The following LPCAT3 variants were observed in gnomAD, a reference collection of about 807,000 sequenced individuals.
LPCAT3 encodes lysophosphatidylcholine acyltransferase 3, also known as lysophospholipid acyltransferase 5.
LPCAT3 carries 21 observed loss-of-function variants against 63.4 expected under a neutral mutation model. That is an observed-to-expected ratio of 0.33 (90% CI 0.23 to 0.48). The LOEUF (loss-of-function observed/expected upper bound fraction) is 0.48. LPCAT3 is among the 20% of genes least tolerant of loss of function. The pLI, the probability that LPCAT3 is intolerant of heterozygous loss-of-function variation, is 0.99. For missense variants in LPCAT3, 451 were observed against 590.6 expected, an observed-to-expected ratio of 0.76 and a Z score of 2.45; for synonymous variants, 242 against 227.5, an observed-to-expected ratio of 1.06 and a Z score of -0.58.
intron 1 of LPCAT3, among the ~76,000 whole-genome samples, chr12:6,996,444 T>C (rs191610548): frequency 6.6e-6 from 1 of 152,340 alleles, no homozygotes; most frequent in East Asian, 1.9e-4. Context: ...TCAGTACTTA[T>C]TACCTTTTGA....
intron 1 of LPCAT3, among the ~76,000 whole-genome samples, chr12:7,005,558 A>G (rs1178132953): frequency 6.6e-6 from 1 of 152,190 alleles, no homozygotes; most frequent in African/African-American, 2.4e-5. Flanking sequence ...CCCACCAGCA[A>G]TGCTTGAGGG....
At chr12:6,982,024 T>G in intron 3 of LPCAT3, 120 bp from the exon 4 acceptor site, 1 of 641,066 alleles carries the variant, frequency 1.6e-6, no homozygotes, top group South Asian at 1.9e-5. Context: ...CCTTAATAAA[T>G]TCCTACAAAT....
At chr12:7,016,960 G>A (rs1322471631) in intron 1 of LPCAT3, among the ~76,000 whole-genome samples, 3 of 152,212 alleles carry the variant, frequency 2.0e-5, no homozygotes, top group African/African-American at 7.2e-5. Context: ...AAGTAACAAT[G>A]CTATTAGGCA....
chr12:7,008,431 T>C (rs1415534940), intron 1 of LPCAT3, among the ~76,000 whole-genome samples: 2 of 152,190 alleles, frequency 1.3e-5, no homozygotes, highest in Non-Finnish European at 2.9e-5. Flanking sequence ...TAGCTTTCCC[T>C]GGCAGCTGCA....
intron 1 of LPCAT3, among the ~76,000 whole-genome samples, chr12:7,012,416 C>T (rs1402018706): frequency 5.3e-5 from 8 of 152,170 alleles, no homozygotes; most frequent in Non-Finnish European, 1.2e-4. Context: ...ACTTTCCTAT[C>T]TGTACCAGGA....
chr12:6,989,260 C>A (rs1555155177), intron 1 of LPCAT3, among the ~76,000 whole-genome samples: 1 of 151,168 alleles, frequency 6.6e-6, no homozygotes, highest in Non-Finnish European at 1.5e-5. Flanking sequence ...TGAGGATCTT[C>A]TACTAGAATG....
In LPCAT3 at chr12:7,008,238, A is replaced by C. The variant is rs782077745; in HGVS notation, c.151+10036T>G. On this transcript the variant is annotated intron_variant, in intron 1 of 12. Coordinates refer to ENST00000261407, the MANE Select transcript of LPCAT3 (RefSeq NM_005768.6). ...TATACAGTATCTTCTGAACTATACA[A>C]ATTACAGATAAGCTTTAAAGGTCTC... Among the ~76,000 whole-genome samples the C allele has an allele frequency of 3.3e-5, 5 of 152,242 alleles. No homozygotes were observed. In the East Asian group the frequency reaches 7.7e-4, roughly 23 times the overall value.
At chr12:6,981,938 C>A in intron 3 of LPCAT3, 34 bp from the exon 4 acceptor site, 2 of 1,054,708 alleles carry the variant, frequency 1.9e-6, no homozygotes, top group Non-Finnish European at 3.0e-6. Context: ...TCTAGCATCA[C>A]TACTATTTCT....
chr12:6,999,942 CAG>C (rs1231046837), intron 1 of LPCAT3, among the ~76,000 whole-genome samples: 2 of 114,836 alleles, frequency 1.7e-5, no homozygotes, highest in African/African-American at 6.8e-5. Context: ...TTTTTTGAGA[CAG>C]AGTCTCGCTC....
chr12:6,992,240 G>A (rs73264636), intron 1 of LPCAT3, among the ~76,000 whole-genome samples: 3,490 of 151,978 alleles, frequency 0.023, 118 homozygotes, highest in African/African-American at 0.073. Context: ...GGAGGCTGAG[G>A]TAGCATCACC....
rs1555153526 is a variant in LPCAT3 at position 6,977,907 on chromosome 12, A to G, written c.1041-162T>C. Reference sequence around the variant, plus strand: ...GGCAGTGCTGACTGATTACTTTTAGAGATGGAAAGCAGACCCAAGGCGGAG... The same window carrying G: ...GGCAGTGCTGACTGATTACTTTTAGGGATGGAAAGCAGACCCAAGGCGGAG... On this transcript the variant is annotated intron_variant, in intron 9 of 12. Transcript: ENST00000261407. This position sits in a 1 kb window ranked among gnomAD's most constrained non-coding sequence, Gnocchi z 4.5. 3 of 814,734 alleles carry G rather than the reference A, an allele frequency of 3.7e-6. No individual in the cohort carries two copies. The East Asian group carries it at 7.7e-5, about 21-fold the overall frequency. 50.5% of individuals were successfully genotyped at this position (814,734 alleles called of 1,614,324 possible). A position where few individuals can be genotyped will look rare whatever the true frequency, so the allele number is the denominator to read the frequency against.
intron 1 of LPCAT3, among the ~76,000 whole-genome samples, chr12:6,990,566 T>G (rs1321968521): frequency 1.7e-5 from 2 of 117,100 alleles, no homozygotes; most frequent in Non-Finnish European, 3.7e-5. Context: ...AATAAATAAA[T>G]TGAGCACCCC....
chr12:6,978,179 T>A, intron 9 of LPCAT3, 162 bp downstream of exon 9: 1 of 720,274 alleles, frequency 1.4e-6, no homozygotes, highest in Non-Finnish European at 2.1e-6. Flanking sequence ...ATGGTTTTTT[T>A]GGGAGGGGGG....
In LPCAT3 at chr12:6,977,136, G is replaced by C. The variant is rs115586741; in HGVS notation, c.*10C>G. The C allele has an allele frequency of 1.3e-6, 2 of 1,559,684 alleles. No homozygotes were observed. Among genetic ancestry groups the C allele is most frequent in the Non-Finnish European group, 1.8e-6 (2 of 1,130,516 alleles). On this transcript the variant is annotated splice_region_variant and 3_prime_UTR_variant, in exon 12 of 13. Coordinates refer to ENST00000261407, the MANE Select transcript of LPCAT3 (RefSeq NM_005768.6). This position sits in a 1 kb window ranked among gnomAD's most constrained non-coding sequence, Gnocchi z 4.5. ...TTAGTTTAGCTGTATTAACTTACCAGGGAAATGGATTATTCCATCTTCTTT... is the reference window on the plus strand; with the variant it reads ...TTAGTTTAGCTGTATTAACTTACCACGGAAATGGATTATTCCATCTTCTTT...
chr12:6,977,005 T>A lies in LPCAT3; in HGVS notation c.*13-114A>T. ...AATAAGTCACAGTAGTCATTGCCCATACTGTGTTCCTTAGTAGCCAGGCTA... is the reference window on the plus strand; with the variant it reads ...AATAAGTCACAGTAGTCATTGCCCAAACTGTGTTCCTTAGTAGCCAGGCTA... On this transcript the variant is annotated intron_variant, in intron 12 of 12. Transcript: ENST00000261407. This position sits in a 1 kb window ranked among gnomAD's most constrained non-coding sequence, Gnocchi z 4.5. 1 of 676,102 alleles carries A rather than the reference T, an allele frequency of 1.5e-6. No individual in the cohort carries two copies. Among genetic ancestry groups the A allele is most frequent in the Non-Finnish European group, 2.7e-6 (1 of 376,294 alleles). 41.9% of individuals were successfully genotyped at this position (676,102 alleles called of 1,614,324 possible). A position where few individuals can be genotyped will look rare whatever the true frequency, so the allele number is the denominator to read the frequency against.
chr12:7,005,927 A>G (rs1344044911), intron 1 of LPCAT3, among the ~76,000 whole-genome samples: 2 of 152,176 alleles, frequency 1.3e-5, no homozygotes, highest in African/African-American at 4.8e-5. Context: ...ATGAAGTCCA[A>G]TTTATCACTG....
At chr12:7,003,785 G>A (rs1004945283) in intron 1 of LPCAT3, among the ~76,000 whole-genome samples, 10 of 151,852 alleles carry the variant, frequency 6.6e-5, no homozygotes, top group Non-Finnish European at 1.3e-4. Context: ...AGCCGGGCGC[G>A]GTGGCGGGCG....
At position 6,977,852 on chromosome 12, in the gene LPCAT3, TC is replaced by T. The variant is rs1555153520; in HGVS notation, c.1041-108del. ...GGATTGGATTGGAGTGCTGGTGGGT[TC>T]CCACGTGTAGCCCCCAGAGGGTACA... is the stretch of plus-strand genomic sequence containing the variant. On this transcript the variant is annotated intron_variant, in intron 9 of 12. Coordinates refer to ENST00000261407, the MANE Select transcript of LPCAT3 (RefSeq NM_005768.6). This position sits in a 1 kb window ranked among gnomAD's most constrained non-coding sequence, Gnocchi z 4.5. 7.4e-7 allele frequency: 1 copy of T among 1,350,618 alleles called. No homozygotes were observed. Among genetic ancestry groups the T allele is most frequent in the African/African-American group, 1.4e-5 (1 of 69,462 alleles). 83.7% of individuals were successfully genotyped at this position (1,350,618 alleles called of 1,614,324 possible).
At chr12:7,003,928 CAAA>C (rs781922909) in intron 1 of LPCAT3, among the ~76,000 whole-genome samples, 5 of 63,438 alleles carry the variant, frequency 7.9e-5, no homozygotes, top group Admixed American at 1.8e-4. Flanking sequence ...GACTCCGTCT[CAAA>C]AAAAAAAAAA....
Sources: allele counts gnomAD v4.1 joint callset (sites outside exome capture counted in the v4.1 genomes callset), GRCh38; gene constraint gnomAD v4.1.1; non-coding constraint Gnocchi (gnomAD v3.1); transcripts MANE v1.5; gene names NCBI Gene and HGNC (gene_info 2026-07-23, HGNC 2026-07-21).